TCTN3: variants seen among roughly 807,000 people sequenced by gnomAD.
TCTN3 encodes tectonic-3.
TCTN3 carries 57 observed loss-of-function variants against 71.3 expected under a neutral mutation model. The observed-to-expected ratio is 0.80, with a 90% CI of 0.65 to 1.00. TCTN3 has a LOEUF of 1.00. Among genes scored for constraint, TCTN3 ranks in the 50% least tolerant of loss-of-function variants. The pLI is 0.00. For synonymous variants in TCTN3, 258 were observed against 267.8 expected, an observed-to-expected ratio of 0.96 and a Z score of 0.36; for missense variants, 696 against 719.9, an observed-to-expected ratio of 0.97 and a Z score of 0.38.
chr10:95,686,053 C>A (rs2097947981), intron 7 of TCTN3, among the ~76,000 whole-genome samples: 1 of 152,146 alleles, frequency 6.6e-6, no homozygotes, highest in African/African-American at 2.4e-5. Context: ...ATAGCAAGAT[C>A]CCCATCTCTA....
chr10:95,676,733 T>C (rs1453467726), intron 13 of TCTN3, among the ~76,000 whole-genome samples: 4 of 152,216 alleles, frequency 2.6e-5, no homozygotes, highest in Non-Finnish European at 4.4e-5. Flanking sequence ...CCTCAAAACT[T>C]CTTGATACGC....
chr10:95,688,913 A>G (rs947887285), intron 3 of TCTN3, among the ~76,000 whole-genome samples: 1 of 152,206 alleles, frequency 6.6e-6, no homozygotes. Flanking sequence ...TAAATTGAAA[A>G]AAGAACATAG....
At chr10:95,686,006 T>C (rs1272971103) in intron 7 of TCTN3, among the ~76,000 whole-genome samples, 3 of 152,158 alleles carry the variant, frequency 2.0e-5, no homozygotes, top group African/African-American at 7.2e-5. Context: ...TCAGGAGAAT[T>C]GCTTGAGGTC....
chr10:95,692,153 T>A (rs1405383541), intron 3 of TCTN3, among the ~76,000 whole-genome samples: 1 of 152,174 alleles, frequency 6.6e-6, no homozygotes, highest in Non-Finnish European at 1.5e-5. Context: ...GAGGAATGAT[T>A]AAAATGATTG....
chr10:95,690,062 T>C (rs921988590), intron 3 of TCTN3, among the ~76,000 whole-genome samples: 23 of 152,210 alleles, frequency 1.5e-4, no homozygotes, highest in African/African-American at 4.8e-4. Flanking sequence ...GCATGATCAC[T>C]GCATGCCTCG....
intron 13 of TCTN3, among the ~76,000 whole-genome samples, chr10:95,679,916 C>T (rs2097941252): frequency 6.6e-6 from 1 of 152,146 alleles, no homozygotes; most frequent in African/African-American, 2.4e-5. Context: ...ATGAAAATAC[C>T]ATGTTTTTAA....
chr10:95,693,233 G>T lies in TCTN3; in HGVS notation c.380+120C>A, dbSNP rs551364518. 246 of 1,451,090 alleles carry T rather than the reference G, an allele frequency of 1.7e-4. 1 individual carries two copies. Among genetic ancestry groups the T allele is most frequent in the Non-Finnish European group, 1.8e-4 (200 of 1,085,472 alleles). 89.9% of individuals were successfully genotyped at this position (1,451,090 alleles called of 1,614,324 possible). A position where few individuals can be genotyped will look rare whatever the true frequency, so the allele number is the denominator to read the frequency against. ...AGGCAATTCCTAGGAAAAACCAAGG[G>T]AATGTCCTAGGAGTGGAAGTACGGG... On this transcript the variant is annotated intron_variant, in intron 2 of 13. Coordinates refer to ENST00000371217, the MANE Select transcript of TCTN3 (RefSeq NM_015631.6).
intron 13 of TCTN3, among the ~76,000 whole-genome samples, chr10:95,670,702 G>A (rs10748636): frequency 0.84 from 127,127 of 151,278 alleles, 53,947 homozygotes; most frequent in Non-Finnish European, 0.91. Context: ...TCACTCTGTC[G>A]CCCAAGCTGG....
intron 13 of TCTN3, among the ~76,000 whole-genome samples, chr10:95,669,339 G>T (rs1385366215): frequency 6.6e-6 from 1 of 152,146 alleles, no homozygotes; most frequent in Non-Finnish European, 1.5e-5. Context: ...AAGGTGATGG[G>T]TATCCTAAAT....
chr10:95,683,401 T>C (rs761371267), intron 10 of TCTN3, 121 bp downstream of exon 10: 35 of 1,558,602 alleles, frequency 2.2e-5, no homozygotes, highest in South Asian at 1.5e-4. Flanking sequence ...TATTAGTATA[T>C]AAGTACCTCA....
intron 9 of TCTN3, among the ~76,000 whole-genome samples, chr10:95,684,214 T>C (rs2139741448): frequency 6.6e-6 from 1 of 152,340 alleles, no homozygotes; most frequent in South Asian, 2.1e-4. Flanking sequence ...GTTGGCTGAA[T>C]TTATGATTCA....
chr10:95,677,489 T>TTTTTTTTTTTTG (rs1566068615), intron 13 of TCTN3, among the ~76,000 whole-genome samples: 3 of 130,876 alleles, frequency 2.3e-5, no homozygotes, highest in African/African-American at 8.1e-5. Context: ...TTTTGTTTTT[T>TTTTTTTTTTTTG]TTTTTTTTTT....
At position 95,678,533 on chromosome 10, in the gene TCTN3, CAA is replaced by C. The variant is rs71034346; in HGVS notation, c.1590+1937_1590+1938del. Among the ~76,000 whole-genome samples, 632 of 103,670 alleles carry C rather than the reference CAA, an allele frequency of 6.1e-3. 2 individuals are homozygous for C. The highest frequency in any genetic ancestry group is 0.019 in the Middle Eastern group (4 of 216). 68.0% of individuals were successfully genotyped at this position (103,670 alleles called of 152,430 possible). ...GGGAAACAAGAGTGAAACACTGTCT[CAA>C]AAAAAAAAAAAAAAAAAAATTTCAC... On this transcript the variant is annotated intron_variant, in intron 13 of 13. Transcript: ENST00000371217.
chr10:95,687,256 T>G lies in TCTN3; in HGVS notation c.727A>C (p.Asn243His), dbSNP rs2097949263. Residue 243 changes from asparagine to histidine, a missense_variant, in exon 5 of 14, where the codon AAT becomes CAT. Transcript: ENST00000371217. ...TTTGCTCTGGATTCACCTGCAGGAT[T>G]GCTTTCAGCACAGAGTCCCCCAGCT... ...VGAGGLCAESNPAGFLESKST... is the reference protein window; with the variant it reads ...VGAGGLCAESHPAGFLESKST... 1.9e-6 allele frequency: 3 copies of G among 1,614,058 alleles called. No homozygotes were observed. Among genetic ancestry groups the G allele is most frequent in the East Asian group, 4.5e-5 (2 of 44,894 alleles).
intron 5 of TCTN3, 26 bp downstream of exon 5, chr10:95,687,221 G>A (rs1169855252): frequency 1.2e-6 from 2 of 1,612,064 alleles, no homozygotes; most frequent in African/African-American, 2.7e-5. Context: ...TGAATGAAAA[G>A]GTTGGTACTT....
chr10:95,671,494 G>A (rs1566065863), intron 13 of TCTN3, among the ~76,000 whole-genome samples: 2 of 152,170 alleles, frequency 1.3e-5, no homozygotes, highest in Non-Finnish European at 2.9e-5. Context: ...CATTACATCT[G>A]TATGATCACG....
chr10:95,689,375 G>C (rs910837919), intron 3 of TCTN3, among the ~76,000 whole-genome samples: 2 of 152,186 alleles, frequency 1.3e-5, no homozygotes, highest in African/African-American at 4.8e-5. Flanking sequence ...TGTTCTGTGG[G>C]CCACTTTCCA....
At chr10:95,673,677 A>C (rs1236379002) in intron 13 of TCTN3, among the ~76,000 whole-genome samples, 1 of 152,070 alleles carries the variant, frequency 6.6e-6, no homozygotes, top group Non-Finnish European at 1.5e-5. Context: ...ACTTCATCTC[A>C]ACAAAATATT....
rs780870375 is a variant in TCTN3 at position 95,692,975 on chromosome 10, T to C, written c.444A>G (p.Ser148=). Reference sequence around the variant, plus strand: ...TTCCATTAGAATCCATGAAAACTCTTGAAGGAAACGGGGAATTACTCCTGA... The same window carrying C: ...TTCCATTAGAATCCATGAAAACTCTCGAAGGAAACGGGGAATTACTCCTGA... ...VIFRSNSPFP[S]RVFMDSNGIR... Residue 148 remains serine (S), a synonymous_variant, in exon 3 of 14, where the codon TCA becomes TCG. Coordinates refer to ENST00000371217, the MANE Select transcript of TCTN3 (RefSeq NM_015631.6). 2 of 1,614,116 alleles carry C rather than the reference T, an allele frequency of 1.2e-6. No homozygotes were observed. Among genetic ancestry groups the C allele is most frequent in the Non-Finnish European group, 1.7e-6 (2 of 1,180,026 alleles).
Sources: allele counts gnomAD v4.1 joint callset (sites outside exome capture counted in the v4.1 genomes callset), GRCh38; gene constraint gnomAD v4.1.1; transcripts MANE v1.5; gene names NCBI Gene and HGNC (gene_info 2026-07-23, HGNC 2026-07-21).